The following CSMD1 variants were observed in gnomAD, a reference collection of about 807,000 sequenced individuals.
CSMD1 encodes CUB and sushi domain-containing protein 1.
In CSMD1, 213 loss-of-function variants were observed where a neutral mutation model predicts 417.5. That is an observed-to-expected ratio of 0.51 (90% CI 0.46 to 0.57). The LOEUF (loss-of-function observed/expected upper bound fraction) is 0.57, where lower values mean the gene tolerates loss of function less well. CSMD1 is among the 20% of genes least tolerant of loss of function. CSMD1 has a pLI of 0.00. For synonymous variants in CSMD1, 2,862 were observed against 1,736.8 expected (o/e 1.65, Z -16.11); for missense variants, 6,923 against 4,529.7 (o/e 1.53, Z -15.17).
chr8:4,038,792 C>T (rs1381866714), intron 3 of CSMD1, among the ~76,000 whole-genome samples: 2 of 152,206 alleles, frequency 1.3e-5, no homozygotes, highest in Admixed American at 6.5e-5. Flanking sequence ...GCTCTGGGCA[C>T]AGTTGTTTTC....
intron 36 of CSMD1, among the ~76,000 whole-genome samples, chr8:3,184,585 C>G (rs963305416): frequency 6.6e-6 from 1 of 152,196 alleles, no homozygotes; most frequent in African/African-American, 2.4e-5. Context: ...GTTCTGCACA[C>G]AAAATAACCT....
intron 3 of CSMD1, among the ~76,000 whole-genome samples, chr8:4,189,133 C>A (rs896605756): frequency 7.9e-5 from 12 of 152,252 alleles, no homozygotes; most frequent in Non-Finnish European, 1.5e-4. Flanking sequence ...CCCTGTAAAC[C>A]AAGTTTGTGA....
Position 2,962,452 on chromosome 8 carries a change from A to G in CSMD1, c.9628+14T>C, listed in dbSNP as rs1803572528. On this transcript the variant is annotated intron_variant, in intron 61 of 69. Transcript: ENST00000635120. ...TACTCCCAGGTATCCCCAGAGCTGT[A>G]TGATAATTATTACCAATGCAGGTGG... 5 of 1,609,728 alleles carry G rather than the reference A, an allele frequency of 3.1e-6. No individual in the cohort carries two copies. The highest frequency in any genetic ancestry group is 4.2e-6 in the Non-Finnish European group (5 of 1,176,640).
intron 3 of CSMD1, among the ~76,000 whole-genome samples, chr8:4,038,286 C>A (rs976876825): frequency 2.0e-5 from 3 of 152,008 alleles, no homozygotes; most frequent in Non-Finnish European, 4.4e-5. Flanking sequence ...ATATTTTCTT[C>A]TAGTTTCAAA....
chr8:3,459,415 C>A (rs1018508417), intron 12 of CSMD1, among the ~76,000 whole-genome samples: 1 of 152,182 alleles, frequency 6.6e-6, no homozygotes, highest in Non-Finnish European at 1.5e-5. Flanking sequence ...AATGCAGCAC[C>A]AGTGCCACAG....
chr8:4,120,070 G>C (rs1279600661), intron 3 of CSMD1, among the ~76,000 whole-genome samples: 1 of 152,168 alleles, frequency 6.6e-6, no homozygotes, highest in Non-Finnish European at 1.5e-5. Context: ...TGGATTATTT[G>C]TAATACAAAG....
chr8:4,043,571 G>C (rs1029593547), intron 3 of CSMD1, among the ~76,000 whole-genome samples: 1 of 152,162 alleles, frequency 6.6e-6, no homozygotes, highest in Non-Finnish European at 1.5e-5. Context: ...GCTGCTGTCT[G>C]GCCGCCTTGA....
At chr8:2,963,686 T>A (rs1218402501) in intron 59 of CSMD1, among the ~76,000 whole-genome samples, 1 of 152,116 alleles carries the variant, frequency 6.6e-6, no homozygotes, top group Non-Finnish European at 1.5e-5. Context: ...GGAAGAAACG[T>A]TCTTGCTTAA....
At position 4,728,080 on chromosome 8, in the gene CSMD1, G is replaced by C. The variant is rs574268440; in HGVS notation, c.86-90522C>G. ...AGAGAGATGTAGAATGTATATGTTT[G>C]TAGGTAAATATGTACATTTGGTATA... On this transcript the variant is annotated intron_variant, in intron 1 of 69. Transcript: ENST00000635120. Among the ~76,000 whole-genome samples, 221 of 146,072 alleles carry C rather than the reference G, an allele frequency of 1.5e-3. 7 individuals are homozygous for C. In the South Asian group the frequency reaches 0.041, roughly 27 times the overall value.
chr8:3,447,831 T>C (rs1815398028), intron 12 of CSMD1, among the ~76,000 whole-genome samples: 1 of 152,066 alleles, frequency 6.6e-6, no homozygotes, highest in Non-Finnish European at 1.5e-5. Context: ...ATTTTTGGGT[T>C]TGAGATGGAG....
intron 5 of CSMD1, among the ~76,000 whole-genome samples, chr8:3,975,584 G>T (rs17402056): frequency 0.036 from 5,546 of 152,232 alleles, 146 homozygotes; most frequent in Non-Finnish European, 0.058. Context: ...GAGAGAAGCT[G>T]GGCACCTCGT....
chr8:3,291,992 C>T (rs560690186), intron 25 of CSMD1, among the ~76,000 whole-genome samples: 1 of 151,654 alleles, frequency 6.6e-6, no homozygotes, highest in Non-Finnish European at 1.5e-5. Flanking sequence ...CTACACACTG[C>T]TTTGAATGTG....
chr8:4,846,466 G>A (rs1285105710), intron 1 of CSMD1, among the ~76,000 whole-genome samples: 3 of 152,158 alleles, frequency 2.0e-5, no homozygotes, highest in African/African-American at 7.2e-5. Flanking sequence ...TCTCTGTCTT[G>A]GTTGACTGAG....
chr8:3,896,909 A>G (rs1807409050), intron 5 of CSMD1, among the ~76,000 whole-genome samples: 1 of 152,046 alleles, frequency 6.6e-6, no homozygotes, highest in Non-Finnish European at 1.5e-5. Context: ...TGGTTCTCCA[A>G]TAACAACCTC....
At chr8:3,788,255 C>A (rs1799553045) in intron 5 of CSMD1, among the ~76,000 whole-genome samples, 1 of 152,160 alleles carries the variant, frequency 6.6e-6, no homozygotes, top group Non-Finnish European at 1.5e-5. Flanking sequence ...CAAGATGGAG[C>A]TAAACATCAG....
chr8:4,033,408 C>T (rs912247060), intron 3 of CSMD1, among the ~76,000 whole-genome samples: 2 of 152,158 alleles, frequency 1.3e-5, no homozygotes, highest in South Asian at 4.1e-4. Flanking sequence ...CACCACTGCA[C>T]TCCAGCGTGG....
chr8:4,497,457 C>A (rs1802036245), intron 2 of CSMD1, among the ~76,000 whole-genome samples: 1 of 152,166 alleles, frequency 6.6e-6, no homozygotes, highest in East Asian at 1.9e-4. Flanking sequence ...CCTTTCCAGG[C>A]CCAATTGTGT....
At chr8:2,997,299 A>AT (rs1806993716) in intron 54 of CSMD1, among the ~76,000 whole-genome samples, 1 of 152,176 alleles carries the variant, frequency 6.6e-6, no homozygotes, top group Admixed American at 6.5e-5. Flanking sequence ...ACTTCTAATC[A>AT]TTTTTTAAAT....
At chr8:4,056,062 G>A (rs533121184) in intron 3 of CSMD1, among the ~76,000 whole-genome samples, 2 of 146,784 alleles carry the variant, frequency 1.4e-5, no homozygotes, top group Admixed American at 1.4e-4. Context: ...ATCTCTGTTT[G>A]GATATTGGTG....
Sources: allele counts gnomAD v4.1 joint callset (sites outside exome capture counted in the v4.1 genomes callset), GRCh38; gene constraint gnomAD v4.1.1; transcripts MANE v1.5; gene names NCBI Gene and HGNC (gene_info 2026-07-23, HGNC 2026-07-21).